Variants in GIGYF1 observed in about 807,000 individuals in gnomAD.
GIGYF1 encodes the protein GRB10-interacting GYF protein 1.
GIGYF1 carries 84 observed loss-of-function variants against 147.1 expected under a neutral mutation model. The ratio of observed to expected loss-of-function variants is 0.57; its 90% CI spans 0.48 to 0.68. GIGYF1 has a LOEUF of 0.68. GIGYF1 is among the 30% of genes least tolerant of loss of function. The probability of loss-of-function intolerance (pLI) is 0.00; values close to 1 mark genes in which losing one functional copy is unlikely to be tolerated. For missense variants in GIGYF1, 1,485 were observed against 1,393.7 expected (o/e 1.07, Z -1.04); for synonymous variants, 752 against 589.5 (o/e 1.28, Z -3.99).
Position 100,684,518 on chromosome 7 carries a change from G to A in GIGYF1, c.1561C>T (p.Leu521=). The A allele has an allele frequency of 6.2e-7, 1 of 1,613,990 alleles. No individual in the cohort carries two copies. The highest frequency in any genetic ancestry group is 1.1e-5 in the South Asian group (1 of 91,090). The change falls in exon 16 of 27, where the codon CTG becomes TTG. Residue 521 remains leucine, a synonymous_variant. Transcript: ENST00000678049. ...KRGCDEGFQP[L]GEVIKMWGRV... ...CCCCACATCTTGATCACCTCGCCCA[G>A]CGGCTGGAAGCCCTCATCGCAGCCC...
chr7:100,685,920 A>C (rs1256271836), intron 12 of GIGYF1, 54 bp downstream of exon 12: 7 of 1,474,240 alleles, frequency 4.7e-6, no homozygotes, highest in Non-Finnish European at 6.6e-6. Context: ...CCGGCAAAGA[A>C]CACCAGTGCC....
chr7:100,685,043 C>T lies in GIGYF1; in HGVS notation c.1290+6G>A, dbSNP rs1251925116. 6.4e-7 allele frequency: 1 copy of T among 1,563,956 alleles called. No individual in the cohort carries two copies. The highest frequency in any genetic ancestry group is 8.7e-7 in the Non-Finnish European group (1 of 1,152,906). ...GGGTCCCTCCCGCTTTCTCAGGCCC[C>T]CACACCTGCTGCAGGTGCTTCAAGC... On this transcript the variant is annotated splice_donor_region_variant and intron_variant, in intron 14 of 26. Coordinates refer to ENST00000678049, the MANE Select transcript of GIGYF1 (RefSeq NM_001375765.1).
intron 20 of GIGYF1, 36 bp from the exon 21 acceptor site, chr7:100,683,480 G>A (rs1414283981): frequency 3.1e-6 from 5 of 1,614,154 alleles, no homozygotes; most frequent in Non-Finnish European, 4.2e-6. Flanking sequence ...GAGAGCTGCA[G>A]GGGACAGCCT....
rs533342067 is a variant in GIGYF1, at chr7:100,688,748, G to A, written c.-291C>T. 3 of 316,064 alleles carry A rather than the reference G, an allele frequency of 9.5e-6. No homozygotes were observed. Among genetic ancestry groups the A allele is most frequent in the African/African-American group, 4.3e-5 (2 of 46,132 alleles). 19.6% of individuals were successfully genotyped at this position (316,064 alleles called of 1,614,324 possible). On this transcript the variant is annotated 5_prime_UTR_variant, in exon 2 of 27. Coordinates refer to ENST00000678049, the MANE Select transcript of GIGYF1 (RefSeq NM_001375765.1). ...AGGAGAGCAGGGGGGAGGAGGGAGG[G>A]TTCAGGACATGGCTCTGCCGGCAGC...
At position 100,684,344 on chromosome 7, in the gene GIGYF1, A is replaced by G. The variant is rs775161354; in HGVS notation, c.1630-7T>C. 6 of 1,595,160 alleles carry G rather than the reference A, an allele frequency of 3.8e-6. No individual in the cohort carries two copies. The South Asian group carries it at 5.6e-5, about 15-fold the overall frequency. On this transcript the variant is annotated splice_polypyrimidine_tract_variant and splice_region_variant and intron_variant, in intron 16 of 26. Transcript: ENST00000678049. ...GCTCCTGGTCCATGTTTCCCTGCTC[A>G]GGTGAGAGCTCGGCCAGTGCCCCCA...
At chr7:100,682,904 AGAGGCTGGGACT>A in intron 22 of GIGYF1, 96 bp downstream of exon 22, 1 of 1,272,264 alleles carries the variant, frequency 7.9e-7, no homozygotes, top group South Asian at 1.5e-5. Context: ...CCATCACAGG[AGAGGCTGGGACT>A]GGGGCTGGGG....
Position 100,680,192 on chromosome 7 carries a change from C to T in GIGYF1, c.*1527G>A, listed in dbSNP as rs1270577068. On this transcript the variant is annotated 3_prime_UTR_variant, in exon 27 of 27. Transcript: ENST00000678049. The stretch of plus-strand genomic sequence containing the variant: ...AAAAAAAAAAAAAAAAAAAAAAAAT[C>T]CAACAACAGAAAACCAAACACCATC... 1.9e-5 allele frequency: 2 copies of T among 105,602 alleles called. No individual in the cohort carries two copies. The highest frequency in any genetic ancestry group is 3.7e-5 in the African/African-American group (1 of 26,776). The allele number at this position is 105,602 out of a possible 1,614,324, so 6.5% of individuals were successfully genotyped here. A position where few individuals can be genotyped will look rare whatever the true frequency, so the allele number is the denominator to read the frequency against.
In GIGYF1 at chr7:100,684,629, C is replaced by T. The variant is rs368035684; in HGVS notation, c.1463-13G>A. ...GTCGTGAAGGGGCCTGGACAGGGAG[C>T]GAGGGAGCGGGAGAACCACTGGGGT... On this transcript the variant is annotated splice_polypyrimidine_tract_variant and intron_variant, in intron 15 of 26. Coordinates refer to ENST00000678049, the MANE Select transcript of GIGYF1 (RefSeq NM_001375765.1). 2.5e-5 allele frequency: 41 copies of T among 1,613,774 alleles called. No individual in the cohort carries two copies. The highest frequency in any genetic ancestry group is 1.9e-4 in the African/African-American group (14 of 74,928).
rs201770949 is a variant in GIGYF1, at chr7:100,688,019, G to A, written c.127C>T (p.Arg43Ter). The A allele has an allele frequency of 6.2e-7, 1 of 1,613,528 alleles. No individual in the cohort carries two copies. The highest frequency in any genetic ancestry group is 8.5e-7 in the Non-Finnish European group (1 of 1,179,734). Residue 43 changes from arginine to a stop codon, truncating the protein, a stop_gained, in exon 5 of 27, where the codon CGA becomes TGA. Coordinates refer to ENST00000678049, the MANE Select transcript of GIGYF1 (RefSeq NM_001375765.1). LOFTEE classifies it high-confidence loss of function. Reference sequence around the variant, plus strand: ...ACGTAGAGAGCCAGCATTTCCTCTCGCCCATAACGGTAGTCAGCCAGCTTG... The same window carrying A: ...ACGTAGAGAGCCAGCATTTCCTCTCACCCATAACGGTAGTCAGCCAGCTTG... ...KYKLADYRYG[R>*]EEMLALYVKE...
At chr7:100,693,633 G>A (rs1475384364) in intron 1 of GIGYF1, among the ~76,000 whole-genome samples, 2 of 152,172 alleles carry the variant, frequency 1.3e-5, no homozygotes, top group Non-Finnish European at 2.9e-5. Flanking sequence ...GCGCTGGGGA[G>A]AACTCCGGGA....
rs759774091 is a variant in GIGYF1, at chr7:100,682,594, G to A, written c.2596C>T (p.Leu866Phe). The A allele has an allele frequency of 3.8e-6, 6 of 1,596,930 alleles. No individual in the cohort carries two copies. Among genetic ancestry groups the A allele is most frequent in the Admixed American group, 3.4e-5 (2 of 58,802 alleles). Residue 866 changes from leucine (L) to phenylalanine (F), a missense_variant, in exon 23 of 27, where the codon CTC becomes TTC. By Grantham distance (22) the Leu-to-Phe change is conservative. Coordinates refer to ENST00000678049, the MANE Select transcript of GIGYF1 (RefSeq NM_001375765.1). Reference protein sequence around the residue: ...GLKNSRSSPSLSDSYSHLSGR... With the variant: ...GLKNSRSSPSFSDSYSHLSGR... ...GCCTCCAGGTGCCACGCCCACCTGA[G>A]AGATGGGCTGCTCCGGCTGTTCTTC...
intron 22 of GIGYF1, 54 bp from the exon 23 acceptor site, chr7:100,682,831 G>T (rs1315009393): frequency 2.7e-6 from 4 of 1,485,604 alleles, no homozygotes. Context: ...CAGAAAAGCG[G>T]ATGGGGAGGC....
Position 100,683,442 on chromosome 7 carries a change from G to A in GIGYF1, c.2055C>T (p.Phe685=), listed in dbSNP as rs1562872375. 6.2e-7 allele frequency: 1 copy of A among 1,613,978 alleles called. No individual in the cohort carries two copies. The highest frequency in any genetic ancestry group is 8.5e-7 in the Non-Finnish European group (1 of 1,180,012). The change falls in exon 21 of 27, where the codon TTC becomes TTT. Residue 685 remains phenylalanine, a splice_region_variant and synonymous_variant. Coordinates refer to ENST00000678049, the MANE Select transcript of GIGYF1 (RefSeq NM_001375765.1). ...TGAGCTCCACTTCTCTGCGCTCCTG[G>A]AACTGAGACCAGTGGCCCATCAGAG... ...ILEQLQLQHK[F]QERREVELRA... is the part of the protein sequence containing the mutation.
intron 6 of GIGYF1, 54 bp downstream of exon 6, chr7:100,687,734 C>T (rs1430657182): frequency 2.0e-6 from 3 of 1,525,166 alleles, no homozygotes; most frequent in African/African-American, 2.8e-5. Flanking sequence ...CCTAACCCAA[C>T]CCATGGCCTC....
chr7:100,692,885 C>T (rs916269722), intron 1 of GIGYF1, among the ~76,000 whole-genome samples: 1 of 152,142 alleles, frequency 6.6e-6, no homozygotes, highest in Non-Finnish European at 1.5e-5. Flanking sequence ...GGTGGCTAGC[C>T]TAGGTCTGCA....
Position 100,683,385 on chromosome 7 carries a change from A to C in GIGYF1, c.2112T>G (p.Arg704=). ...GCTGCTGGCGGCGCTTCTCCTCTCG[A>C]CGCTTGCGTTCCTCTTCCTCCCGCT... ...RAKREEEERK[R]REEKRRQQQQ... is the part of the protein sequence containing the mutation. The change falls in exon 21 of 27, where the codon CGT becomes CGG. Residue 704 remains arginine (R), a synonymous_variant. Transcript: ENST00000678049. 1 of 1,613,242 alleles carries C rather than the reference A, an allele frequency of 6.2e-7. No homozygotes were observed. The highest frequency in any genetic ancestry group is 8.5e-7 in the Non-Finnish European group (1 of 1,179,812).
At chr7:100,685,299 C>A (rs1352013626) in intron 13 of GIGYF1, 45 bp downstream of exon 13, 1 of 1,548,422 alleles carries the variant, frequency 6.5e-7, no homozygotes. Flanking sequence ...CACTTTCTCC[C>A]ACAGCCCCAG....
In GIGYF1 at chr7:100,684,403, G is replaced by A. The variant is rs778877901; in HGVS notation, c.1629+47C>T. The A allele has an allele frequency of 1.8e-4, 282 of 1,606,302 alleles. 4 individuals carry two copies. In the Admixed American group the frequency reaches 4.5e-3, roughly 25 times the overall value. On this transcript the variant is annotated intron_variant, in intron 16 of 26. Coordinates refer to ENST00000678049, the MANE Select transcript of GIGYF1 (RefSeq NM_001375765.1). The stretch of plus-strand genomic sequence containing the variant: ...GAGGGGACTCTGCTGGACTCCTGCC[G>A]GCACCCCTCACACCCTGTCCCTCCA...
chr7:100,690,492 GAA>G (rs1562887426), intron 1 of GIGYF1, among the ~76,000 whole-genome samples: 2 of 152,276 alleles, frequency 1.3e-5, no homozygotes, highest in African/African-American at 4.8e-5. Context: ...TTTTAAAAAA[GAA>G]AAAGTGGCCA....
Sources: gnomAD v4.1 joint callset for allele counts (sites outside exome capture counted in the v4.1 genomes callset) on GRCh38, gnomAD v4.1.1 for gene constraint, MANE v1.5 for transcripts, NCBI Gene and HGNC (gene_info 2026-07-23, HGNC 2026-07-21) for gene names.